Variants in SPAG16 observed in about 807,000 individuals in gnomAD.
SPAG16 encodes sperm-associated antigen 16 protein.
In SPAG16, 86 loss-of-function variants were observed where a neutral mutation model predicts 80.4. That is an observed-to-expected ratio of 1.07 (90% CI 0.90 to 1.28). The LOEUF is 1.28. SPAG16 is among the 50% of genes most tolerant of loss of function. The pLI is 0.00. For missense variants in SPAG16, 870 were observed against 765.3 expected (o/e 1.14, Z -1.61); for synonymous variants, 294 against 265.9 (o/e 1.11, Z -1.03).
At chr2:213,819,722 CTTG>C (rs1293133328) in intron 10 of SPAG16, among the ~76,000 whole-genome samples, 2 of 150,976 alleles carry the variant, frequency 1.3e-5, no homozygotes, top group South Asian at 2.1e-4. Flanking sequence ...TTTGTTTGGT[CTTG>C]TTGTTTTTTG....
chr2:213,888,895 G>A (rs909491067), intron 11 of SPAG16, among the ~76,000 whole-genome samples: 19 of 151,934 alleles, frequency 1.3e-4, no homozygotes, highest in Admixed American at 6.6e-5. Context: ...TCAATGCACA[G>A]AACGTAATCA....
In SPAG16 at chr2:214,100,273, G is replaced by A. The variant is rs112836918; in HGVS notation, c.1528-7923G>A. Among the ~76,000 whole-genome samples the A allele has an allele frequency of 6.6e-3, 998 of 151,992 alleles. 13 individuals are homozygous for A. The highest frequency in any genetic ancestry group is 0.023 in the African/African-American group (960 of 41,466). On this transcript the variant is annotated intron_variant, in intron 13 of 15. Coordinates refer to ENST00000331683, the MANE Select transcript of SPAG16 (RefSeq NM_024532.5). ...TTCTCTATAAATTACCCAGTCTCAG[G>A]TATTGCTTTATAGCAGTGTGAAAAT...
chr2:213,703,858 C>T (rs1374054843), intron 10 of SPAG16, among the ~76,000 whole-genome samples: 1 of 152,240 alleles, frequency 6.6e-6, no homozygotes, highest in Non-Finnish European at 1.5e-5. Context: ...GCATTGCAGT[C>T]TGGCAGATCC....
chr2:214,204,037 G>A (rs2058080281), intron 15 of SPAG16, among the ~76,000 whole-genome samples: 1 of 152,190 alleles, frequency 6.6e-6, no homozygotes, highest in African/African-American at 2.4e-5. Flanking sequence ...AGGAGCTGAT[G>A]AGGCCTGTAA....
intron 13 of SPAG16, among the ~76,000 whole-genome samples, chr2:214,058,048 G>A (rs1271089838): frequency 6.6e-6 from 1 of 152,004 alleles, no homozygotes; most frequent in Non-Finnish European, 1.5e-5. Context: ...CACCAAAACT[G>A]TCTCCATAAC....
chr2:213,686,755 C>T (rs1178992626), intron 10 of SPAG16, among the ~76,000 whole-genome samples: 3 of 133,190 alleles, frequency 2.3e-5, no homozygotes, highest in Non-Finnish European at 4.6e-5. Context: ...GGTGCCGTCT[C>T]GGCTCACTGC....
At position 213,576,696 on chromosome 2, in the gene SPAG16, C is replaced by T. The variant is rs554134100; in HGVS notation, c.1070+86606C>T. Among the ~76,000 whole-genome samples the T allele has an allele frequency of 9.9e-5, 15 of 152,196 alleles. No homozygotes were observed. In the South Asian group the frequency reaches 3.1e-3, roughly 32 times the overall value. On this transcript the variant is annotated intron_variant, in intron 10 of 15. Coordinates refer to ENST00000331683, the MANE Select transcript of SPAG16 (RefSeq NM_024532.5). ...CAGGAAGATGGATGGAGCTGGAGGCCATTATCCTTAGCAAACTAACACATG... is the reference window on the plus strand; with the variant it reads ...CAGGAAGATGGATGGAGCTGGAGGCTATTATCCTTAGCAAACTAACACATG...
intron 5 of SPAG16, among the ~76,000 whole-genome samples, chr2:213,325,672 T>C (rs1181372901): frequency 5.3e-5 from 8 of 151,660 alleles, no homozygotes; most frequent in Admixed American, 1.3e-4. Flanking sequence ...GGGGGAAGGA[T>C]TGATACTGTC....
At chr2:214,042,013 C>CACACAG (rs1553702181) in intron 13 of SPAG16, among the ~76,000 whole-genome samples, 33 of 133,892 alleles carry the variant, frequency 2.5e-4, no homozygotes, top group African/African-American at 8.5e-4. Context: ...TATATACACA[C>CACACAG]ACACACAAAT....
At chr2:213,310,322 ACACACACAC>A in intron 4 of SPAG16, 145 bp downstream of exon 4, 1 of 598 alleles carries the variant, frequency 1.7e-3, no homozygotes, top group Non-Finnish European at 3.1e-3. Flanking sequence ...AAACCACAAC[ACACACACAC>A]ACACACACAC....
intron 15 of SPAG16, among the ~76,000 whole-genome samples, chr2:214,169,600 G>A (rs763735569): frequency 6.6e-6 from 1 of 151,958 alleles, no homozygotes; most frequent in Non-Finnish European, 1.5e-5. Context: ...AAGACGAACG[G>A]CTGTTGAATA....
chr2:213,669,598 T>A (rs2063741731), intron 10 of SPAG16, among the ~76,000 whole-genome samples: 1 of 152,230 alleles, frequency 6.6e-6, no homozygotes, highest in South Asian at 2.1e-4. Flanking sequence ...AAAAAACACC[T>A]TGAAAATCTT....
intron 14 of SPAG16, among the ~76,000 whole-genome samples, chr2:214,110,727 G>C (rs550047229): frequency 7.2e-5 from 11 of 152,296 alleles, no homozygotes; most frequent in African/African-American, 2.2e-4. Flanking sequence ...CTTCCAAAAT[G>C]GTTGAACTAA....
chr2:213,833,382 G>A (rs2073784256), intron 10 of SPAG16, among the ~76,000 whole-genome samples: 2 of 118,566 alleles, frequency 1.7e-5, no homozygotes, highest in South Asian at 2.5e-4. Context: ...GAGAGCAGAG[G>A]CATGAGGCAT....
At chr2:214,071,053 C>G (rs187330893) in intron 13 of SPAG16, among the ~76,000 whole-genome samples, 3 of 152,060 alleles carry the variant, frequency 2.0e-5, no homozygotes, top group Non-Finnish European at 4.4e-5. Flanking sequence ...AAGGTCTGCA[C>G]CAGTACTGGA....
intron 11 of SPAG16, among the ~76,000 whole-genome samples, chr2:213,912,674 A>G (rs915314877): frequency 6.6e-5 from 10 of 152,090 alleles, no homozygotes; most frequent in African/African-American, 2.2e-4. Flanking sequence ...CTCAATGTTA[A>G]AAATAGCCAT....
intron 9 of SPAG16, among the ~76,000 whole-genome samples, chr2:213,401,104 C>T (rs1351512098): frequency 6.6e-6 from 1 of 152,152 alleles, no homozygotes; most frequent in Non-Finnish European, 1.5e-5. Flanking sequence ...CCACTGCACC[C>T]AGCTGTTTCC....
intron 9 of SPAG16, among the ~76,000 whole-genome samples, chr2:213,422,855 C>A (rs1027159651): frequency 1.3e-5 from 2 of 152,210 alleles, no homozygotes; most frequent in Non-Finnish European, 2.9e-5. Flanking sequence ...ACATCCAAGC[C>A]TTAGCCTCAA....
At chr2:214,040,086 G>A (rs761917763) in intron 13 of SPAG16, among the ~76,000 whole-genome samples, 1 of 152,098 alleles carries the variant, frequency 6.6e-6, no homozygotes, top group Middle Eastern at 3.2e-3. Context: ...TATCTTAAAG[G>A]GCCAAGCTTA....
Sources: gnomAD v4.1 joint callset for allele counts (sites outside exome capture counted in the v4.1 genomes callset) on GRCh38, gnomAD v4.1.1 for gene constraint, MANE v1.5 for transcripts, NCBI Gene and HGNC (gene_info 2026-07-23, HGNC 2026-07-21) for gene names.